ARSG: variants seen among roughly 807,000 people sequenced by gnomAD.
The protein encoded by ARSG is ASG.
ARSG carries 37 observed loss-of-function variants against 50.5 expected under a neutral mutation model. The ratio of observed to expected loss-of-function variants is 0.73; its 90% CI spans 0.56 to 0.96. The LOEUF (loss-of-function observed/expected upper bound fraction) is 0.96, where lower values mean the gene tolerates loss of function less well. Among genes scored for constraint, ARSG ranks in the 50% least tolerant of loss-of-function variants. The probability of loss-of-function intolerance (pLI) is 0.00; values close to 1 mark genes in which losing one functional copy is unlikely to be tolerated. For synonymous variants in ARSG, 225 were observed against 254.6 expected (o/e 0.88, Z 1.11); for missense variants, 629 against 675.3 (o/e 0.93, Z 0.76).
intron 1 of ARSG, among the ~76,000 whole-genome samples, chr17:68,266,752 A>C (rs1349764182): frequency 6.6e-6 from 1 of 151,994 alleles, no homozygotes; most frequent in African/African-American, 2.4e-5. Context: ...CGGAGGTTGC[A>C]GTGAGCTGAG....
chr17:68,415,296 C>T (rs905219235), intron 11 of ARSG, among the ~76,000 whole-genome samples: 1 of 152,150 alleles, frequency 6.6e-6, no homozygotes, highest in Admixed American at 6.5e-5. Flanking sequence ...CATTTAGGAG[C>T]AGGTTATATA....
At chr17:68,339,316 AAAAATT>A (rs912446668) in intron 2 of ARSG, among the ~76,000 whole-genome samples, 8 of 152,152 alleles carry the variant, frequency 5.3e-5, no homozygotes, top group African/African-American at 1.4e-4. Flanking sequence ...AAAAATAAAT[AAAAATT>A]AAAATTAAAA....
chr17:68,364,166 C>G (rs992981763), intron 6 of ARSG, among the ~76,000 whole-genome samples: 1 of 152,150 alleles, frequency 6.6e-6, no homozygotes. Flanking sequence ...TGTCTCCACA[C>G]CCTGCCCCAT....
chr17:68,294,418 C>T (rs797037529), intron 1 of ARSG, among the ~76,000 whole-genome samples: 72 of 152,296 alleles, frequency 4.7e-4, no homozygotes, highest in African/African-American at 1.7e-3. Flanking sequence ...ATGACCCTGG[C>T]TTGCAAATAA....
chr17:68,310,718 C>T (rs543472411), intron 2 of ARSG, among the ~76,000 whole-genome samples: 2 of 152,296 alleles, frequency 1.3e-5, no homozygotes, highest in Admixed American at 1.3e-4. Flanking sequence ...CACTTGCATC[C>T]TAGAGCTTGA....
intron 11 of ARSG, among the ~76,000 whole-genome samples, chr17:68,410,358 T>G (rs2081944971): frequency 6.8e-6 from 1 of 146,138 alleles, no homozygotes; most frequent in Non-Finnish European, 1.5e-5. Flanking sequence ...GTCAAAGGCC[T>G]TTTCTGCATC....
At chr17:68,298,005 C>T (rs1354673974) in intron 1 of ARSG, among the ~76,000 whole-genome samples, 29 of 145,880 alleles carry the variant, frequency 2.0e-4, no homozygotes, top group African/African-American at 6.8e-4. Flanking sequence ...TATCTAATTC[C>T]AGGCCAAAAC....
rs1292247235 is a variant in ARSG at position 68,354,025 on chromosome 17, T to C, written c.566+2339T>C. Among the ~76,000 whole-genome samples the C allele has an allele frequency of 3.5e-5, 4 of 114,746 alleles. No individual in the cohort carries two copies. The Admixed American group carries it at 3.5e-4, about 10-fold the overall frequency. The allele number at this position is 114,746 out of a possible 152,430, so 75.3% of individuals were successfully genotyped here. The stretch of plus-strand genomic sequence containing the variant: ...CCTTCTTTTTCTTCTTCTTGTTCTT[T>C]TTTTTTTTTTTTTTATTTCAATCCT... On this transcript the variant is annotated intron_variant, in intron 5 of 11. Coordinates refer to ENST00000621439, the MANE Select transcript of ARSG (RefSeq NM_001267727.2).
rs147828802 is a variant in ARSG at position 68,343,558 on chromosome 17, G to C, written c.219-46G>C. 369 of 1,508,158 alleles carry C rather than the reference G, an allele frequency of 2.4e-4. 1 individual carries two copies. The African/African-American group carries it at 4.7e-3, about 19-fold the overall frequency. The allele number at this position is 1,508,158 out of a possible 1,614,324, so 93.4% of individuals were successfully genotyped here. A position where few individuals can be genotyped will look rare whatever the true frequency, so the allele number is the denominator to read the frequency against. Reference sequence around the variant, plus strand: ...GGGCACTGCCTTTTCTTTTACTCTGGCTTCCTGTGGTTGGTGCGGTCCTGA... The same window carrying C: ...GGGCACTGCCTTTTCTTTTACTCTGCCTTCCTGTGGTTGGTGCGGTCCTGA... On this transcript the variant is annotated intron_variant, in intron 2 of 11. Transcript: ENST00000621439.
Position 68,399,528 on chromosome 17 carries a change from G to A in ARSG, c.1213-1832G>A, listed in dbSNP as rs936036651. Reference sequence around the variant, plus strand: ...CTGTGATTCATGTGTACTTTTGACAGCTTCCTTCCTATATTGATATAAACA... The same window carrying A: ...CTGTGATTCATGTGTACTTTTGACAACTTCCTTCCTATATTGATATAAACA... On this transcript the variant is annotated intron_variant, in intron 10 of 11. Coordinates refer to ENST00000621439, the MANE Select transcript of ARSG (RefSeq NM_001267727.2). This position sits in a 1 kb window ranked among gnomAD's most constrained non-coding sequence, Gnocchi z 4.6. Among the ~76,000 whole-genome samples, 1 of 152,180 alleles carries A rather than the reference G, an allele frequency of 6.6e-6. No homozygotes were observed. The highest frequency in any genetic ancestry group is 2.4e-5 in the African/African-American group (1 of 41,454).
At chr17:68,443,733 A>G in the ARSG span, among the ~76,000 whole-genome samples, 1 of 152,222 alleles carries the variant, frequency 6.6e-6, no homozygotes, top group Non-Finnish European at 1.5e-5. Context: ...ATGATACTAA[A>G]CTGAAATATA....
chr17:68,387,325 C>T (rs2080778496), intron 9 of ARSG, among the ~76,000 whole-genome samples: 1 of 152,042 alleles, frequency 6.6e-6, no homozygotes, highest in Non-Finnish European at 1.5e-5. Flanking sequence ...CATGGGGACT[C>T]TTAATGTTGC....
intron 1 of ARSG, among the ~76,000 whole-genome samples, chr17:68,299,795 C>G (rs1391634417): frequency 1.3e-5 from 2 of 152,064 alleles, no homozygotes; most frequent in East Asian, 1.9e-4. Flanking sequence ...CATTTGAACT[C>G]TGATTGGATT....
intron 11 of ARSG, among the ~76,000 whole-genome samples, chr17:68,404,375 G>C (rs1037135687): frequency 3.3e-5 from 5 of 152,314 alleles, no homozygotes; most frequent in South Asian, 4.1e-4. Context: ...TGTACACAAA[G>C]TGAAAGGCCC....
chr17:68,301,550 A>G (rs1211823115), intron 1 of ARSG, among the ~76,000 whole-genome samples: 1 of 152,116 alleles, frequency 6.6e-6, no homozygotes, highest in Non-Finnish European at 1.5e-5. Context: ...ACCTGGACTC[A>G]CCTGGACCCA....
intron 1 of ARSG, among the ~76,000 whole-genome samples, chr17:68,292,803 G>A (rs1006965055): frequency 6.2e-4 from 95 of 152,302 alleles, no homozygotes; most frequent in African/African-American, 2.2e-3. Flanking sequence ...GAGAAGATTC[G>A]TTGGTACAGG....
upstream of ARSG, among the ~76,000 whole-genome samples, chr17:68,289,311 G>T (rs1555755078): frequency 1.3e-5 from 2 of 152,186 alleles, no homozygotes; most frequent in Middle Eastern, 3.4e-3. Context: ...TAAATAAGTA[G>T]GTATCTTGCC....
At chr17:68,346,846 G>T in intron 3 of ARSG, 1 of 1,389,406 alleles carries the variant, frequency 7.2e-7, no homozygotes, top group Non-Finnish European at 9.5e-7. Flanking sequence ...TCTTTGAGGG[G>T]CAGAGGCTCA....
chr17:68,448,406 T>A, the ARSG span: 3 of 152,240 alleles, frequency 2.0e-5, no homozygotes, highest in Non-Finnish European at 4.4e-5. Flanking sequence ...CGACGTTAGA[T>A]CTTGGTTCCG....
Sources: allele counts gnomAD v4.1 joint callset (sites outside exome capture counted in the v4.1 genomes callset), GRCh38; gene constraint gnomAD v4.1.1; non-coding constraint Gnocchi (gnomAD v3.1); transcripts MANE v1.5; gene names NCBI Gene and HGNC (gene_info 2026-07-23, HGNC 2026-07-21).